The following SOX6 variants were observed in gnomAD, a reference collection of about 807,000 sequenced individuals.
The protein encoded by SOX6 is SRY-box transcription factor 6, also known as transcription factor SOX-6.
Under a neutral mutation model 97.8 loss-of-function variants are expected in SOX6, and 11 were observed. The observed-to-expected ratio is 0.11, with a 90% confidence interval of 0.07 to 0.19. The LOEUF (loss-of-function observed/expected upper bound fraction) is 0.19, where lower values mean the gene tolerates loss of function less well. Among genes scored for constraint, SOX6 ranks in the 10% least tolerant of loss-of-function variants. The pLI, the probability that SOX6 is intolerant of heterozygous loss-of-function variation, is 1.00. For missense variants in SOX6, 810 were observed against 1,039.5 expected (o/e 0.78, Z 3.04); for synonymous variants, 360 against 371.4 (o/e 0.97, Z 0.35).
At chr11:16,653,934 CAA>C (rs1847688550) in intron 3 of SOX6, among the ~76,000 whole-genome samples, 1 of 151,450 alleles carries the variant, frequency 6.6e-6, no homozygotes. Flanking sequence ...TATAAAAACA[CAA>C]AATATGAATT....
chr11:16,310,541 G>T (rs1174908227), intron 3 of SOX6, among the ~76,000 whole-genome samples: 1 of 152,082 alleles, frequency 6.6e-6, no homozygotes, highest in Non-Finnish European at 1.5e-5. Flanking sequence ...ATATTATTGG[G>T]AGGAAAGATT....
chr11:16,092,852 TA>T (rs202180285), intron 9 of SOX6, among the ~76,000 whole-genome samples: 12,606 of 145,696 alleles, frequency 0.087, 1,067 homozygotes, highest in East Asian at 0.4. Context: ...CCTTTTTCAT[TA>T]AAAAAAAAAA....
intron 2 of SOX6, among the ~76,000 whole-genome samples, chr11:16,326,448 T>G (rs77647117): frequency 0.015 from 2,233 of 152,184 alleles, 54 homozygotes; most frequent in African/African-American, 0.05. Flanking sequence ...GGTAAAAATC[T>G]TTAACTGCAG....
chr11:16,270,401 G>A (rs556820378), intron 3 of SOX6, among the ~76,000 whole-genome samples: 8 of 151,416 alleles, frequency 5.3e-5, no homozygotes, highest in East Asian at 3.9e-4. Flanking sequence ...CGGGGGAGGC[G>A]AGGAATAAAT....
chr11:16,433,196 G>T (rs1263118669), intron 1 of SOX6, among the ~76,000 whole-genome samples: 1 of 151,772 alleles, frequency 6.6e-6, no homozygotes, highest in East Asian at 1.9e-4. Context: ...CCCTGAAAAT[G>T]TTAACAATAG....
At chr11:16,215,040 G>A (rs767694052) in intron 4 of SOX6, among the ~76,000 whole-genome samples, 10 of 152,024 alleles carry the variant, frequency 6.6e-5, no homozygotes, top group Non-Finnish European at 7.4e-5. Context: ...GAGCCATCGC[G>A]CCCAGCCTAG....
chr11:16,291,377 A>G (rs1854912696), intron 3 of SOX6, among the ~76,000 whole-genome samples: 1 of 151,558 alleles, frequency 6.6e-6, no homozygotes, highest in Admixed American at 6.6e-5. Flanking sequence ...AAATAAATAA[A>G]TAAATAAATA....
intron 7 of SOX6, among the ~76,000 whole-genome samples, chr11:16,098,888 C>A (rs1848868688): frequency 6.6e-6 from 1 of 151,746 alleles, no homozygotes; most frequent in Admixed American, 6.6e-5. Context: ...ACACGAATAC[C>A]TGGAGCCTTC....
intron 4 of SOX6, among the ~76,000 whole-genome samples, chr11:16,574,453 C>G (rs1847964476): frequency 6.6e-6 from 1 of 152,062 alleles, no homozygotes; most frequent in South Asian, 2.1e-4. Flanking sequence ...AGAAACTACA[C>G]CTCTACTTTA....
chr11:16,053,354 A>G (rs979056663), intron 10 of SOX6, among the ~76,000 whole-genome samples: 7 of 152,154 alleles, frequency 4.6e-5, no homozygotes, highest in African/African-American at 1.7e-4. Context: ...ATAGTTGACA[A>G]TGGAAATCCT....
At chr11:16,414,700 C>T (rs549044346) in intron 1 of SOX6, among the ~76,000 whole-genome samples, 16 of 152,028 alleles carry the variant, frequency 1.1e-4, no homozygotes, top group Non-Finnish European at 1.9e-4. Flanking sequence ...ATCACAGAGG[C>T]GAGATCACAG....
intron 15 of SOX6, among the ~76,000 whole-genome samples, chr11:15,982,388 A>G (rs975015631): frequency 6.6e-6 from 1 of 152,090 alleles, no homozygotes; most frequent in Non-Finnish European, 1.5e-5. Flanking sequence ...CACAGCACAC[A>G]GTAAGTATTC....
chr11:16,355,743 A>T (rs1857053848), intron 1 of SOX6, among the ~76,000 whole-genome samples: 1 of 152,078 alleles, frequency 6.6e-6, no homozygotes, highest in Admixed American at 6.6e-5. Flanking sequence ...TATTGAAAAG[A>T]TTCATGTAGG....
chr11:16,144,863 C>T (rs1850247484), intron 6 of SOX6, among the ~76,000 whole-genome samples: 1 of 152,050 alleles, frequency 6.6e-6, no homozygotes, highest in African/African-American at 2.4e-5. Context: ...AATTAATAGC[C>T]TACCAATCAA....
At chr11:16,642,653 TTTCA>T (rs1180125213) in intron 3 of SOX6, among the ~76,000 whole-genome samples, 12 of 152,228 alleles carry the variant, frequency 7.9e-5, no homozygotes, top group African/African-American at 2.9e-4. Flanking sequence ...TCTCGCTTCA[TTTCA>T]TTCTTTTGAT....
chr11:16,500,657 T>C (rs549032254), intron 4 of SOX6, among the ~76,000 whole-genome samples: 222 of 152,100 alleles, frequency 1.5e-3, no homozygotes, highest in Middle Eastern at 3.4e-3. Flanking sequence ...CATTCTTATA[T>C]ACCAATAACA....
intron 4 of SOX6, among the ~76,000 whole-genome samples, chr11:16,515,367 G>C (rs1186745270): frequency 1.3e-5 from 2 of 148,272 alleles, no homozygotes; most frequent in Admixed American, 1.4e-4. Context: ...GTCTGTTCAT[G>C]TCCTTTGCCC....
At chr11:16,656,005 G>A (rs1847714484) in intron 3 of SOX6, among the ~76,000 whole-genome samples, 1 of 151,200 alleles carries the variant, frequency 6.6e-6, no homozygotes, top group South Asian at 2.1e-4. Context: ...TTACTTTTTT[G>A]TATTTTTCCA....
intron 4 of SOX6, among the ~76,000 whole-genome samples, chr11:16,502,327 G>T (rs544118738): frequency 8.0e-4 from 122 of 152,184 alleles, no homozygotes; most frequent in African/African-American, 2.8e-3. Flanking sequence ...GGAGGGAGTG[G>T]GGAGGGATAG....
Sources: gnomAD v4.1 joint callset for allele counts (sites outside exome capture counted in the v4.1 genomes callset) on GRCh38, gnomAD v4.1.1 for gene constraint, MANE v1.5 for transcripts, NCBI Gene and HGNC (gene_info 2026-07-23, HGNC 2026-07-21) for gene names.